LIPG: variants seen among roughly 807,000 people sequenced by gnomAD.
The protein encoded by LIPG is endothelial lipase.
LIPG carries 34 observed loss-of-function variants against 51.8 expected under a neutral mutation model. That is an observed-to-expected ratio of 0.66 (90% CI 0.50 to 0.87). The LOEUF (loss-of-function observed/expected upper bound fraction) is 0.87. LIPG is among the 40% of genes least tolerant of loss of function. LIPG has a pLI of 0.00. For missense variants in LIPG, 580 were observed against 652.7 expected, an observed-to-expected ratio of 0.89 and a Z score of 1.21; for synonymous variants, 246 against 246.1, an observed-to-expected ratio of 1.00 and a Z score of 0.00.
intron 4 of LIPG, 39 bp downstream of exon 4, chr18:49,569,587 G>A: frequency 6.6e-7 from 1 of 1,505,616 alleles, no homozygotes; most frequent in Non-Finnish European, 9.2e-7. Context: ...TCCCTCAGCT[G>A]CGCTAAGCCG....
chr18:49,576,614 A>G (rs1438574142), intron 5 of LIPG, among the ~76,000 whole-genome samples: 1 of 151,362 alleles, frequency 6.6e-6, no homozygotes. Context: ...ACAGGCCCCC[A>G]CCACCATGCC....
At chr18:49,572,945 C>T (rs1389171752) in intron 4 of LIPG, among the ~76,000 whole-genome samples, 2 of 152,174 alleles carry the variant, frequency 1.3e-5, no homozygotes, top group African/African-American at 4.8e-5. Flanking sequence ...CCCTGTCATT[C>T]ATCCCTAGTT....
At chr18:49,575,864 G>GT (rs2084710895) in intron 5 of LIPG, among the ~76,000 whole-genome samples, 1 of 148,350 alleles carries the variant, frequency 6.7e-6, no homozygotes, top group African/African-American at 2.5e-5. Context: ...TTGAGAGGGA[G>GT]TTTTGCTCTT....
intron 2 of LIPG, 21 bp from the exon 3 acceptor site, chr18:49,567,421 A>G: frequency 1.2e-6 from 2 of 1,611,766 alleles, no homozygotes; most frequent in South Asian, 1.1e-5. Context: ...AATAAAAAAC[A>G]ACTTCCACTT....
intron 9 of LIPG, among the ~76,000 whole-genome samples, chr18:49,587,328 T>C (rs2084892466): frequency 6.6e-6 from 1 of 151,768 alleles, no homozygotes; most frequent in Admixed American, 6.6e-5. Flanking sequence ...CCCAGCACTT[T>C]GGGAGGCTGA....
chr18:49,566,748 A>AT lies in LIPG; in HGVS notation c.280-690dup, dbSNP rs1438799502. Among the ~76,000 whole-genome samples the AT allele has an allele frequency of 6.6e-5, 10 of 152,134 alleles. No individual in the cohort carries two copies. The East Asian group carries it at 1.7e-3, about 27-fold the overall frequency. On this transcript the variant is annotated intron_variant, in intron 2 of 9. Coordinates refer to ENST00000261292, the MANE Select transcript of LIPG (RefSeq NM_006033.4). Reference sequence around the variant, plus strand: ...TCCCTGCGTCTCTAAGAGAGAAGCAATTTTCCAGGGCAACCCTCCCTAGCT... The same window carrying AT: ...TCCCTGCGTCTCTAAGAGAGAAGCAATTTTTCCAGGGCAACCCTCCCTAGCT...
chr18:49,566,770 A>T (rs2084610618), intron 2 of LIPG, among the ~76,000 whole-genome samples: 1 of 152,154 alleles, frequency 6.6e-6, no homozygotes, highest in African/African-American at 2.4e-5. Flanking sequence ...AACCCTCCCT[A>T]GCTGCCTTTG....
upstream of LIPG, chr18:49,561,979 T>C (rs973687789): frequency 2.1e-6 from 3 of 1,397,566 alleles, no homozygotes; most frequent in Non-Finnish European, 2.8e-6. Context: ...GAGACGGGAA[T>C]AAATTATGCA....
Position 49,590,656 on chromosome 18 carries a change from C to A in LIPG, c.*134C>A. On this transcript the variant is annotated 3_prime_UTR_variant, in exon 10 of 10. Coordinates refer to ENST00000261292, the MANE Select transcript of LIPG (RefSeq NM_006033.4). ...CTTGACCCTGGAGCACTGGGAACAA[C>A]TGGTCTCCTGTGATGGCTGGGACTC... 1 of 924,272 alleles carries A rather than the reference C, an allele frequency of 1.1e-6. No homozygotes were observed. 57.3% of individuals were successfully genotyped at this position (924,272 alleles called of 1,614,324 possible).
Position 49,590,630 on chromosome 18 carries a change from C to A in LIPG, c.*108C>A. ...CACCCAATGGAAGGATTCTTCTCAG[C>A]CTTGACCCTGGAGCACTGGGAACAA... On this transcript the variant is annotated 3_prime_UTR_variant, in exon 10 of 10. Transcript: ENST00000261292. The A allele has an allele frequency of 8.3e-7, 1 of 1,199,636 alleles. No individual in the cohort carries two copies. Among genetic ancestry groups the A allele is most frequent in the Non-Finnish European group, 1.2e-6 (1 of 828,508 alleles). 74.3% of individuals were successfully genotyped at this position (1,199,636 alleles called of 1,614,324 possible). A position where few individuals can be genotyped will look rare whatever the true frequency, so the allele number is the denominator to read the frequency against.
At position 49,592,063 on chromosome 18, in the gene LIPG, A is replaced by G. The variant is rs2084950913; in HGVS notation, c.*1541A>G. 1 of 152,112 alleles carries G rather than the reference A, an allele frequency of 6.6e-6. No homozygotes were observed. The highest frequency in any genetic ancestry group is 1.5e-5 in the Non-Finnish European group (1 of 68,028). The allele number at this position is 152,112 out of a possible 1,614,324, so 9.4% of individuals were successfully genotyped here. On this transcript the variant is annotated 3_prime_UTR_variant, in exon 10 of 10. Transcript: ENST00000261292. ...GGAGAACATCTGTGCCAACGGTTGG[A>G]CTTTTTATGGCTGAGATTCGGGAGG...
In LIPG at chr18:49,590,039, T is replaced by C. The variant is rs1420634012; in HGVS notation, c.1482-462T>C. The C allele has an allele frequency of 2.4e-5, 7 of 289,888 alleles. No individual in the cohort carries two copies. In the Admixed American group the frequency reaches 3.2e-4, roughly 13 times the overall value. 18.0% of individuals were successfully genotyped at this position (289,888 alleles called of 1,614,324 possible). A position where few individuals can be genotyped will look rare whatever the true frequency, so the allele number is the denominator to read the frequency against. ...AGAGAGGTTCAGTGGTGTGTTCACA[T>C]AGCTGAGACTAGAATCCAGGTCTCC... On this transcript the variant is annotated intron_variant, in intron 9 of 9. Coordinates refer to ENST00000261292, the MANE Select transcript of LIPG (RefSeq NM_006033.4).
chr18:49,588,099 TTTGA>T (rs2084902724), intron 9 of LIPG, among the ~76,000 whole-genome samples: 1 of 151,862 alleles, frequency 6.6e-6, no homozygotes, highest in Admixed American at 6.6e-5. Flanking sequence ...CCCTGCCATC[TTTGA>T]TTGACATCTT....
At chr18:49,581,723 G>A in intron 6 of LIPG, 66 bp downstream of exon 6, 4 of 1,579,282 alleles carry the variant, frequency 2.5e-6, no homozygotes, top group Non-Finnish European at 3.4e-6. Context: ...ATACCATGCT[G>A]CAGAGCAGGG....
In LIPG at chr18:49,575,518, A is replaced by T; in HGVS notation, c.721A>T (p.Ile241Phe). 1 of 1,614,202 alleles carries T rather than the reference A, an allele frequency of 6.2e-7. No individual in the cohort carries two copies. Among genetic ancestry groups the T allele is most frequent in the East Asian group, 2.2e-5 (1 of 44,874 alleles). ...TCAGATGCCTGTGGGCCACATTGAC[A>T]TCTACCCCAATGGGGGTGACTTCCA... Reference protein sequence around the residue: ...GIQMPVGHIDIYPNGGDFQPG... With the variant: ...GIQMPVGHIDFYPNGGDFQPG... The change falls in exon 5 of 10, where the codon ATC (isoleucine) becomes TTC (phenylalanine). Residue 241 changes from isoleucine to phenylalanine, a missense_variant. Coordinates refer to ENST00000261292, the MANE Select transcript of LIPG (RefSeq NM_006033.4).
intron 5 of LIPG, among the ~76,000 whole-genome samples, chr18:49,579,737 G>GGGCTT (rs2084792984): frequency 7.9e-6 from 1 of 125,816 alleles, no homozygotes; most frequent in Admixed American, 7.6e-5. Flanking sequence ...ATAGGATGAT[G>GGGCTT]GCCTTTCTTT....
intron 5 of LIPG, among the ~76,000 whole-genome samples, chr18:49,576,547 A>C (rs745755770): frequency 6.5e-5 from 9 of 137,842 alleles, no homozygotes; most frequent in Non-Finnish European, 1.1e-4. Context: ...AGCTCACTAC[A>C]ACTTCTGCCT....
intron 5 of LIPG, among the ~76,000 whole-genome samples, chr18:49,578,881 GCGTGCCTGCAATCGCA>G (rs1172896534): frequency 6.8e-6 from 1 of 146,630 alleles, no homozygotes; most frequent in Non-Finnish European, 1.5e-5. Flanking sequence ...GCGTGGTGGC[GCGTGCCTGCAATCGCA>G]GGCACTCGGC....
At chr18:49,572,380 T>C (rs918408440) in intron 4 of LIPG, among the ~76,000 whole-genome samples, 6 of 151,990 alleles carry the variant, frequency 3.9e-5, no homozygotes, top group African/African-American at 1.5e-4. Context: ...ATATGACAGC[T>C]ACTCTATGCT....
Sources: allele counts gnomAD v4.1 joint callset (sites outside exome capture counted in the v4.1 genomes callset), GRCh38; gene constraint gnomAD v4.1.1; transcripts MANE v1.5; gene names NCBI Gene and HGNC (gene_info 2026-07-23, HGNC 2026-07-21).